Variants in CDH18 observed in about 807,000 individuals in gnomAD.
CDH18 encodes cadherin-18.
A neutral mutation model predicts 67.9 loss-of-function variants in CDH18; 31 were observed. That is an observed-to-expected ratio of 0.46 (90% confidence interval 0.34 to 0.62). CDH18 has a LOEUF of 0.62. Ranked by LOEUF, CDH18 falls within the 20% of genes least tolerant of loss-of-function variation. CDH18 has a pLI of 0.01. For missense variants in CDH18, 890 were observed against 975.5 expected (o/e 0.91, Z 1.17); for synonymous variants, 362 against 347.2 (o/e 1.04, Z -0.48).
In CDH18 at chr5:19,655,474, A is replaced by T. The variant is rs987116032; in HGVS notation, c.644-42873T>A. Among the ~76,000 whole-genome samples, 6 of 151,844 alleles carry T rather than the reference A, an allele frequency of 4.0e-5. No individual in the cohort carries two copies. The East Asian group carries it at 7.7e-4, about 20-fold the overall frequency. On this transcript the variant is annotated intron_variant, in intron 5 of 12. Transcript: ENST00000382275. ...AATAAGGAAGAGAGTTTCTATCTAAACTATCTTAAGATTGATTTTATTTAA... is the reference window on the plus strand; with the variant it reads ...AATAAGGAAGAGAGTTTCTATCTAATCTATCTTAAGATTGATTTTATTTAA...
At chr5:19,649,467 A>G (rs1015194367) in intron 5 of CDH18, among the ~76,000 whole-genome samples, 38 of 152,052 alleles carry the variant, frequency 2.5e-4, no homozygotes, top group African/African-American at 8.2e-4. Context: ...GAAATATCCA[A>G]AAATATTTAC....
At chr5:19,744,428 C>G (rs1180062556) in intron 4 of CDH18, among the ~76,000 whole-genome samples, 1 of 151,340 alleles carries the variant, frequency 6.6e-6, no homozygotes, top group Non-Finnish European at 1.5e-5. Flanking sequence ...TTACTTTATG[C>G]CTTATGATTC....
At chr5:20,371,583 C>A (rs535150784) in intron 1 of CDH18, among the ~76,000 whole-genome samples, 2 of 152,052 alleles carry the variant, frequency 1.3e-5, no homozygotes, top group African/African-American at 4.8e-5. Flanking sequence ...TAGAAATGTG[C>A]CTGCAATGGG....
chr5:20,295,414 C>CAGAT (rs1408678185), intron 1 of CDH18, among the ~76,000 whole-genome samples: 1 of 152,050 alleles, frequency 6.6e-6, no homozygotes, highest in Admixed American at 6.6e-5. Flanking sequence ...AACACTTTTC[C>CAGAT]AGATGGTTAT....
intron 5 of CDH18, among the ~76,000 whole-genome samples, chr5:19,686,208 T>C (rs188317150): frequency 1.3e-5 from 2 of 152,162 alleles, no homozygotes; most frequent in Non-Finnish European, 2.9e-5. Context: ...ATAGGACTTA[T>C]GGGAAAAATA....
chr5:19,865,166 T>A (rs1202676353), intron 2 of CDH18, among the ~76,000 whole-genome samples: 3 of 152,054 alleles, frequency 2.0e-5, no homozygotes, highest in East Asian at 3.9e-4. Flanking sequence ...AGCCCTTAAA[T>A]AAAGCCACAC....
rs1737709891 is a variant in CDH18, at chr5:19,472,244, C to T, written c.*982G>A. On this transcript the variant is annotated 3_prime_UTR_variant, in exon 13 of 13. Coordinates refer to ENST00000382275, the MANE Select transcript of CDH18 (RefSeq NM_004934.5). The stretch of plus-strand genomic sequence containing the variant: ...GTGAGGTACTTATTTTTAATTACTG[C>T]TCGTGTTGAAAATAAGTGAATTAGA... Among the ~76,000 whole-genome samples, 1 of 151,990 alleles carries T rather than the reference C, an allele frequency of 6.6e-6. No homozygotes were observed. Among genetic ancestry groups the T allele is most frequent in the Non-Finnish European group, 1.5e-5 (1 of 68,002 alleles).
chr5:20,539,436 G>A (rs903774522), intron 1 of CDH18, among the ~76,000 whole-genome samples: 2 of 152,012 alleles, frequency 1.3e-5, no homozygotes, highest in South Asian at 2.1e-4. Flanking sequence ...CATTGACAAT[G>A]TTTCTGGTAG....
At chr5:20,034,681 T>A (rs1320525041) in intron 2 of CDH18, among the ~76,000 whole-genome samples, 1 of 152,054 alleles carries the variant, frequency 6.6e-6, no homozygotes, top group Non-Finnish European at 1.5e-5. Context: ...TATTTGCTCT[T>A]CTGGTTCTTA....
chr5:20,287,350 G>A (rs1333519068), intron 1 of CDH18, among the ~76,000 whole-genome samples: 2 of 151,646 alleles, frequency 1.3e-5, no homozygotes, highest in African/African-American at 4.8e-5. Flanking sequence ...GGCATAGAGT[G>A]TTTTAAATAT....
In CDH18 at chr5:19,475,714, A is replaced by G. The variant is rs368214376; in HGVS notation, c.1883-1998T>C. ...TATATATACACATACATACCTATATACAGATATAGATATATTTCTTATTTA... is the reference window on the plus strand; with the variant it reads ...TATATATACACATACATACCTATATGCAGATATAGATATATTTCTTATTTA... On this transcript the variant is annotated intron_variant, in intron 12 of 12. Transcript: ENST00000382275. 1.3e-4 allele frequency among the ~76,000 whole-genome samples: 20 copies of G among 152,142 alleles called. No individual in the cohort carries two copies. In the South Asian group the frequency reaches 4.1e-3, roughly 31 times the overall value.
At chr5:19,662,765 G>A (rs927970643) in intron 5 of CDH18, among the ~76,000 whole-genome samples, 2 of 151,874 alleles carry the variant, frequency 1.3e-5, no homozygotes, top group Non-Finnish European at 1.5e-5. Flanking sequence ...AAAATGTGCA[G>A]ACTAAAACAA....
intron 3 of CDH18, among the ~76,000 whole-genome samples, chr5:19,759,687 A>C (rs1772083975): frequency 6.6e-6 from 1 of 152,144 alleles, no homozygotes; most frequent in Non-Finnish European, 1.5e-5. Context: ...AGTCCCTGAA[A>C]TGTCTGATCA....
At chr5:19,645,049 T>C (rs556142637) in intron 5 of CDH18, among the ~76,000 whole-genome samples, 2 of 152,176 alleles carry the variant, frequency 1.3e-5, no homozygotes, top group Non-Finnish European at 2.9e-5. Flanking sequence ...AATGCCTTCA[T>C]AGTATTATGG....
At chr5:20,094,678 C>A (rs1186036128) in intron 2 of CDH18, among the ~76,000 whole-genome samples, 2 of 152,114 alleles carry the variant, frequency 1.3e-5, no homozygotes, top group African/African-American at 4.8e-5. Flanking sequence ...AGGTCCTTCA[C>A]ATCCCTCATA....
At chr5:20,540,997 C>T (rs1398520410) in intron 1 of CDH18, among the ~76,000 whole-genome samples, 1 of 152,162 alleles carries the variant, frequency 6.6e-6, no homozygotes, top group Non-Finnish European at 1.5e-5. Context: ...TTCTCACACT[C>T]TTGATTTCAC....
intron 1 of CDH18, among the ~76,000 whole-genome samples, chr5:20,384,319 T>C (rs965697305): frequency 4.6e-5 from 7 of 152,148 alleles, no homozygotes; most frequent in African/African-American, 1.7e-4. Context: ...AATTTAGATA[T>C]CACATAAAAG....
chr5:20,569,003 T>G (rs181390593), intron 1 of CDH18, among the ~76,000 whole-genome samples: 1 of 152,210 alleles, frequency 6.6e-6, no homozygotes, highest in Non-Finnish European at 1.5e-5. Context: ...CACTGCATAA[T>G]GCACCCATAT....
chr5:19,825,324 C>T (rs1780293516), intron 3 of CDH18, among the ~76,000 whole-genome samples: 1 of 152,070 alleles, frequency 6.6e-6, no homozygotes, highest in African/African-American at 2.4e-5. Flanking sequence ...GGGAAACAGC[C>T]TCCAGTTAAC....
Sources: allele counts gnomAD v4.1 joint callset (sites outside exome capture counted in the v4.1 genomes callset), GRCh38; gene constraint gnomAD v4.1.1; transcripts MANE v1.5; gene names NCBI Gene and HGNC (gene_info 2026-07-23, HGNC 2026-07-21).